CLVS1: variants seen among roughly 807,000 people sequenced by gnomAD.
CLVS1 encodes clavesin 1.
In CLVS1, 10 loss-of-function variants were observed where a neutral mutation model predicts 33.1. That is an observed-to-expected ratio of 0.30 (90% CI 0.19 to 0.51). CLVS1 has a LOEUF of 0.51. Among genes scored for constraint, CLVS1 ranks in the 20% least tolerant of loss-of-function variants. The pLI, the probability that CLVS1 is intolerant of heterozygous loss-of-function variation, is 0.97. For missense variants in CLVS1, 343 were observed against 433.4 expected, an observed-to-expected ratio of 0.79 and a Z score of 1.85; for synonymous variants, 163 against 166.1, an observed-to-expected ratio of 0.98 and a Z score of 0.14.
chr8:61,099,949 A>G (rs16926860), intron 1 of CLVS1, among the ~76,000 whole-genome samples: 7,336 of 152,266 alleles, frequency 0.048, 261 homozygotes, highest in African/African-American at 0.1. Flanking sequence ...CAATAAGCAC[A>G]ATAGAAATCC....
At chr8:61,141,861 G>A (rs1806314020) in intron 2 of CLVS1, among the ~76,000 whole-genome samples, 2 of 152,154 alleles carry the variant, frequency 1.3e-5, no homozygotes, top group Admixed American at 1.3e-4. Flanking sequence ...CCATATGATG[G>A]CCTTAGAGAG....
chr8:61,221,704 G>C (rs767562065), intron 2 of CLVS1, among the ~76,000 whole-genome samples: 1 of 152,152 alleles, frequency 6.6e-6, no homozygotes, highest in Non-Finnish European at 1.5e-5. Flanking sequence ...TTCATAAAAT[G>C]AGTGATGGAG....
At chr8:61,443,399 G>T (rs1466627483) in intron 3 of CLVS1, among the ~76,000 whole-genome samples, 1 of 151,872 alleles carries the variant, frequency 6.6e-6, no homozygotes. Flanking sequence ...GTTAATTTTT[G>T]AATCAATTTT....
At chr8:61,201,372 C>T (rs57687784) in intron 2 of CLVS1, among the ~76,000 whole-genome samples, 13,650 of 152,008 alleles carry the variant, frequency 0.09, 1,165 homozygotes, top group African/African-American at 0.23. Context: ...ATGCATTTCC[C>T]GAAGCTTCTG....
the CLVS1 span, among the ~76,000 whole-genome samples, chr8:61,051,261 C>G: frequency 6.6e-6 from 1 of 152,236 alleles, no homozygotes; most frequent in African/African-American, 2.4e-5. Flanking sequence ...CTGTTGCCAG[C>G]TGGGAGGTTT....
chr8:60,967,822 T>G, the CLVS1 span: 1 of 381,614 alleles, frequency 2.6e-6, no homozygotes, highest in Non-Finnish European at 5.2e-6. Flanking sequence ...TTTGCCTAAT[T>G]GCTCTATCCA....
chr8:61,273,169 G>T (rs1237323266), intron 2 of CLVS1, among the ~76,000 whole-genome samples: 1 of 146,678 alleles, frequency 6.8e-6, no homozygotes, highest in Non-Finnish European at 1.5e-5. Context: ...ATGGGTTTTT[G>T]GTGTGGATGT....
intron 1 of CLVS1, among the ~76,000 whole-genome samples, chr8:61,085,470 T>C (rs897969604): frequency 6.6e-6 from 1 of 151,764 alleles, no homozygotes. Context: ...AACAAATCAA[T>C]AACAGCCTCT....
At chr8:61,428,619 T>A (rs1815986491) in intron 3 of CLVS1, among the ~76,000 whole-genome samples, 1 of 152,226 alleles carries the variant, frequency 6.6e-6, no homozygotes, top group African/African-American at 2.4e-5. Context: ...AAAAGGCACA[T>A]TCCTCCCCTT....
At chr8:61,049,465 T>C in the CLVS1 span, among the ~76,000 whole-genome samples, 2 of 152,266 alleles carry the variant, frequency 1.3e-5, no homozygotes, top group Non-Finnish European at 1.5e-5. Flanking sequence ...GTTCCAATGA[T>C]AAATTATGAA....
intron 3 of CLVS1, among the ~76,000 whole-genome samples, chr8:61,396,721 A>G (rs1814542547): frequency 6.6e-6 from 1 of 152,188 alleles, no homozygotes. Flanking sequence ...GATACAGGCA[A>G]CCACTAGTCT....
upstream of CLVS1, among the ~76,000 whole-genome samples, chr8:61,056,836 G>A (rs1236906543): frequency 2.6e-5 from 4 of 152,194 alleles, no homozygotes; most frequent in Non-Finnish European, 4.4e-5. Flanking sequence ...GATATTGAAG[G>A]AGAAATCACA....
chr8:61,051,518 G>A, the CLVS1 span, among the ~76,000 whole-genome samples: 5 of 152,216 alleles, frequency 3.3e-5, no homozygotes, highest in Non-Finnish European at 5.9e-5. Context: ...ATGCCCTCCT[G>A]GGCTTGTCAG....
chr8:60,978,478 A>G, the CLVS1 span, among the ~76,000 whole-genome samples: 1 of 152,236 alleles, frequency 6.6e-6, no homozygotes, highest in African/African-American at 2.4e-5. Context: ...AGGTTGTAAT[A>G]AGTTTAAGAT....
chr8:61,434,825 G>A (rs772113018), intron 3 of CLVS1, among the ~76,000 whole-genome samples: 2 of 152,176 alleles, frequency 1.3e-5, no homozygotes, highest in Non-Finnish European at 2.9e-5. Flanking sequence ...CTGGTTCTCA[G>A]TTGATTATCT....
intron 2 of CLVS1, among the ~76,000 whole-genome samples, chr8:61,223,566 T>C (rs1234814348): frequency 6.6e-6 from 1 of 152,220 alleles, no homozygotes; most frequent in Non-Finnish European, 1.5e-5. Context: ...CTGATGGGCT[T>C]TCCTTTGTAG....
chr8:61,014,380 G>T, the CLVS1 span, among the ~76,000 whole-genome samples: 3 of 152,136 alleles, frequency 2.0e-5, no homozygotes, highest in African/African-American at 4.8e-5. Flanking sequence ...GTTGATGGGT[G>T]GTGACTCATA....
chr8:61,295,905 T>C (rs1197888003), intron 1 of CLVS1, among the ~76,000 whole-genome samples: 1 of 152,092 alleles, frequency 6.6e-6, no homozygotes, highest in Non-Finnish European at 1.5e-5. Context: ...ACATAATAAA[T>C]ACCTATAATA....
chr8:61,136,207 G>A (rs2129292081), intron 2 of CLVS1, among the ~76,000 whole-genome samples: 1 of 152,326 alleles, frequency 6.6e-6, no homozygotes. Flanking sequence ...ATCACTGGAG[G>A]GTCATATTGG....
Sources: allele counts gnomAD v4.1 joint callset (sites outside exome capture counted in the v4.1 genomes callset), GRCh38; gene constraint gnomAD v4.1.1; transcripts MANE v1.5; gene names NCBI Gene and HGNC (gene_info 2026-07-23, HGNC 2026-07-21).